ZFHX3: variants seen among roughly 807,000 people sequenced by gnomAD.
The protein encoded by ZFHX3 is zinc finger homeobox protein 3.
Under a neutral mutation model 279.1 loss-of-function variants are expected in ZFHX3, and 42 were observed. The ratio of observed to expected loss-of-function variants is 0.15; its 90% confidence interval spans 0.12 to 0.19. ZFHX3 has a LOEUF of 0.19. Ranked by LOEUF, ZFHX3 falls within the 10% of genes least tolerant of loss-of-function variation. The probability of loss-of-function intolerance (pLI) is 1.00; values close to 1 mark genes in which losing one functional copy is unlikely to be tolerated. For synonymous variants in ZFHX3, 2,293 were observed against 1,957.8 expected, an observed-to-expected ratio of 1.17 and a Z score of -4.52; for missense variants, 4,981 against 4,754.0, an observed-to-expected ratio of 1.05 and a Z score of -1.40.
chr16:73,313,125 AGTGT>A (rs1430185285), intron 4 of ZFHX3, among the ~76,000 whole-genome samples: 2 of 152,116 alleles, frequency 1.3e-5, no homozygotes, highest in African/African-American at 4.8e-5. Flanking sequence ...ATGGTTTAAA[AGTGT>A]GTGGCACCTC....
At chr16:72,878,707 G>A (rs1176603875) in intron 4 of ZFHX3, among the ~76,000 whole-genome samples, 1 of 152,208 alleles carries the variant, frequency 6.6e-6, no homozygotes, top group African/African-American at 2.4e-5. Context: ...TTGTCCCGTG[G>A]ATGAGTTTGT....
intron 1 of ZFHX3, among the ~76,000 whole-genome samples, chr16:73,798,822 G>C (rs437552): frequency 0.3 from 45,333 of 152,094 alleles, 7,084 homozygotes; most frequent in South Asian, 0.46. Context: ...ATTCTCATGG[G>C]ACGTGTTTGG....
At chr16:73,092,334 A>C (rs893583850) in intron 8 of ZFHX3, 2 of 152,388 alleles carry the variant, frequency 1.3e-5, no homozygotes, top group Admixed American at 6.5e-5. Flanking sequence ...GCCCTACTGA[A>C]ACAATATCCC....
At chr16:73,190,530 A>C (rs1968006286) in intron 5 of ZFHX3, among the ~76,000 whole-genome samples, 1 of 152,196 alleles carries the variant, frequency 6.6e-6, no homozygotes, top group Non-Finnish European at 1.5e-5. Context: ...ATAAGGACAA[A>C]CTAGCTTACA....
At chr16:73,621,597 G>T (rs2052363753) in intron 2 of ZFHX3, among the ~76,000 whole-genome samples, 1 of 152,128 alleles carries the variant, frequency 6.6e-6, no homozygotes, top group Non-Finnish European at 1.5e-5. Context: ...AGGGAGAACA[G>T]TAACTCACCA....
At chr16:73,325,605 G>A (rs946669754) in intron 3 of ZFHX3, among the ~76,000 whole-genome samples, 5 of 152,094 alleles carry the variant, frequency 3.3e-5, no homozygotes, top group Non-Finnish European at 7.4e-5. Context: ...GAGGAGAATG[G>A]GTATTGGTGA....
intron 4 of ZFHX3, among the ~76,000 whole-genome samples, chr16:72,845,170 G>A (rs759612952): frequency 2.0e-4 from 30 of 152,102 alleles, no homozygotes; most frequent in Non-Finnish European, 3.8e-4. Flanking sequence ...CTGCGGAGAT[G>A]AGGCACACTT....
At chr16:73,591,988 T>G (rs556447011) in intron 2 of ZFHX3, among the ~76,000 whole-genome samples, 12 of 152,024 alleles carry the variant, frequency 7.9e-5, no homozygotes, top group Non-Finnish European at 1.8e-4. Context: ...TCCCAGCACT[T>G]TAGGAGGCTG....
chr16:73,208,200 A>C (rs1049836752), intron 5 of ZFHX3, among the ~76,000 whole-genome samples: 2 of 152,362 alleles, frequency 1.3e-5, no homozygotes, highest in East Asian at 3.9e-4. Flanking sequence ...TTTTTGAAAA[A>C]GTATAAGCAA....
At chr16:73,824,263 C>T (rs978340039) in intron 1 of ZFHX3, among the ~76,000 whole-genome samples, 3 of 152,114 alleles carry the variant, frequency 2.0e-5, no homozygotes, top group African/African-American at 7.2e-5. Context: ...CTTATCAGGA[C>T]AGAGTTGCTT....
intron 5 of ZFHX3, chr16:73,232,457 G>A (rs1488741315): frequency 3.3e-5 from 5 of 152,158 alleles, no homozygotes; most frequent in Non-Finnish European, 7.3e-5. Flanking sequence ...ACACAGAAGG[G>A]AAGAGAAAAA....
At chr16:72,964,747 A>AC (rs1317670847) in intron 1 of ZFHX3, among the ~76,000 whole-genome samples, 2 of 151,994 alleles carry the variant, frequency 1.3e-5, no homozygotes, top group East Asian at 3.9e-4. Context: ...TTGTGTTAAG[A>AC]CCCATGGGTA....
intron 2 of ZFHX3, among the ~76,000 whole-genome samples, chr16:73,534,221 T>C (rs968782558): frequency 6.6e-6 from 1 of 152,154 alleles, no homozygotes; most frequent in Non-Finnish European, 1.5e-5. Flanking sequence ...ACACACAAAG[T>C]ATACTTCCAC....
chr16:73,451,206 C>T (rs8047267), intron 3 of ZFHX3, among the ~76,000 whole-genome samples: 102,042 of 152,068 alleles, frequency 0.67, 34,590 homozygotes, highest in Non-Finnish European at 0.72. Flanking sequence ...CTGGGGTGTT[C>T]CCAGAATGTG....
At chr16:73,418,787 A>G (rs1181728628) in intron 3 of ZFHX3, among the ~76,000 whole-genome samples, 1 of 152,240 alleles carries the variant, frequency 6.6e-6, no homozygotes, top group African/African-American at 2.4e-5. Context: ...GTTGCCAGAA[A>G]CTTGCTTGGC....
chr16:73,768,715 C>G (rs1240468926), intron 1 of ZFHX3, among the ~76,000 whole-genome samples: 1 of 152,140 alleles, frequency 6.6e-6, no homozygotes, highest in Non-Finnish European at 1.5e-5. Flanking sequence ...TTTGAGATAA[C>G]AGATTAAATT....
chr16:73,673,882 A>G (rs1330834038), intron 2 of ZFHX3, among the ~76,000 whole-genome samples: 2 of 152,180 alleles, frequency 1.3e-5, no homozygotes, highest in Non-Finnish European at 2.9e-5. Context: ...CACCCTCCAG[A>G]TACAGATCCA....
chr16:72,875,326 G>A (rs2038281666), intron 4 of ZFHX3, among the ~76,000 whole-genome samples: 1 of 152,232 alleles, frequency 6.6e-6, no homozygotes, highest in South Asian at 2.1e-4. Context: ...TTCCCAGCGG[G>A]GAGACCTGGC....
At chr16:72,842,927 T>TA (rs763550172) in intron 4 of ZFHX3, among the ~76,000 whole-genome samples, 43 of 152,312 alleles carry the variant, frequency 2.8e-4, no homozygotes, top group Admixed American at 8.5e-4. Flanking sequence ...GACATTGGAT[T>TA]AAAAATCTAC....
Sources: gnomAD v4.1 joint callset for allele counts (sites outside exome capture counted in the v4.1 genomes callset) on GRCh38, gnomAD v4.1.1 for gene constraint, MANE v1.5 for transcripts, NCBI Gene and HGNC (gene_info 2026-07-23, HGNC 2026-07-21) for gene names.